Variants in ECHDC3 observed in about 807,000 individuals in gnomAD.
ECHDC3 encodes enoyl-CoA hydratase domain containing 3.
A neutral mutation model predicts 17.9 loss-of-function variants in ECHDC3; 20 were observed. That is an observed-to-expected ratio of 1.12 (90% CI 0.79 to 1.63). The LOEUF (loss-of-function observed/expected upper bound fraction) is 1.63. ECHDC3 is among the 40% of genes most tolerant of loss of function. The pLI, the probability that ECHDC3 is intolerant of heterozygous loss-of-function variation, is 0.00. For synonymous variants in ECHDC3, 177 were observed against 149.7 expected (o/e 1.18, Z -1.33); for missense variants, 407 against 357.7 (o/e 1.14, Z -1.11).
intron 4 of ECHDC3, among the ~76,000 whole-genome samples, chr10:11,756,359 A>C (rs1041289358): frequency 6.6e-6 from 1 of 152,244 alleles, no homozygotes; most frequent in Non-Finnish European, 1.5e-5. Flanking sequence ...GAAATCTATA[A>C]AAAAGGGGGC....
rs923854312 is a variant in ECHDC3, at chr10:11,748,227, T to C, written c.292+757T>C. Among the ~76,000 whole-genome samples the C allele has an allele frequency of 1.7e-4, 3 of 17,370 alleles. No individual in the cohort carries two copies. The Non-Finnish European group carries it at 0.011, about 64-fold the overall frequency. The allele number at this position is 17,370 out of a possible 152,430, so 11.4% of individuals were successfully genotyped here. On this transcript the variant is annotated intron_variant, in intron 2 of 4. Transcript: ENST00000379215. Reference sequence around the variant, plus strand: ...GATACAGCAAAGGCAGTTAACGTCTTCTTTTTTTTTTTTTATTTGATACAT... The same window carrying C: ...GATACAGCAAAGGCAGTTAACGTCTCCTTTTTTTTTTTTTATTTGATACAT...
chr10:11,746,231 G>C (rs942180018), intron 1 of ECHDC3, among the ~76,000 whole-genome samples: 2 of 151,748 alleles, frequency 1.3e-5, no homozygotes, highest in African/African-American at 4.9e-5. Flanking sequence ...GGGAGCCTGA[G>C]GCAAGAGAAT....
chr10:11,758,779 G>A (rs1832913183), intron 4 of ECHDC3, among the ~76,000 whole-genome samples: 1 of 152,258 alleles, frequency 6.6e-6, no homozygotes, highest in African/African-American at 2.4e-5. Context: ...CCCTGCTGGT[G>A]CCATGGTGCC....
At chr10:11,742,818 G>A in intron 1 of ECHDC3, 72 bp downstream of exon 1, 1 of 1,218,670 alleles carries the variant, frequency 8.2e-7, no homozygotes, top group Non-Finnish European at 1.0e-6. Flanking sequence ...TTGACCCGGG[G>A]AGGACCCGGG....
Position 11,763,200 on chromosome 10 carries a change from G to A in ECHDC3, c.592-24G>A, listed in dbSNP as rs751265105. ...GGGCGGGTCACAGGAGAGCACCTCA[G>A]TGACATCCCGTGTCTCCCCGTAGGT... is the stretch of plus-strand genomic sequence containing the variant. On this transcript the variant is annotated intron_variant, in intron 4 of 4. Coordinates refer to ENST00000379215, the MANE Select transcript of ECHDC3 (RefSeq NM_024693.5). This position sits in a 1 kb window ranked among gnomAD's most constrained non-coding sequence, Gnocchi z 4.9. The A allele has an allele frequency of 1.3e-6, 1 of 750,638 alleles. No homozygotes were observed. 46.5% of individuals were successfully genotyped at this position (750,638 alleles called of 1,614,324 possible).
chr10:11,754,862 C>T (rs1166774530), intron 3 of ECHDC3, among the ~76,000 whole-genome samples: 2 of 152,228 alleles, frequency 1.3e-5, no homozygotes, highest in African/African-American at 2.4e-5. Flanking sequence ...TACAATAGGG[C>T]TCTGTCCCCA....
chr10:11,749,707 G>A, intron 3 of ECHDC3, 115 bp downstream of exon 3: 1 of 733,380 alleles, frequency 1.4e-6, no homozygotes, highest in South Asian at 1.6e-5. Context: ...AACACCCAGA[G>A]CAACTGGAAA....
intron 4 of ECHDC3, among the ~76,000 whole-genome samples, chr10:11,757,021 C>T (rs7092756): frequency 0.4 from 60,815 of 152,152 alleles, 12,486 homozygotes; most frequent in Admixed American, 0.46. Context: ...AGGCGTGAGC[C>T]GCCGCACCTG....
At chr10:11,744,770 A>G (rs907927678) in intron 1 of ECHDC3, among the ~76,000 whole-genome samples, 6 of 152,172 alleles carry the variant, frequency 3.9e-5, no homozygotes, top group African/African-American at 1.4e-4. Context: ...TCATTCAGGC[A>G]ATTGAGTGGC....
At chr10:11,747,532 A>G in intron 2 of ECHDC3, 62 bp downstream of exon 2, 3 of 1,575,676 alleles carry the variant, frequency 1.9e-6, no homozygotes, top group Non-Finnish European at 2.6e-6. Context: ...CTGAGTCTTT[A>G]GTAAACTGGG....
Position 11,763,538 on chromosome 10 carries a change from A to C in ECHDC3, c.906A>C (p.Pro302=). ...QKRKPVWSHE[P]V ...GAAAACCTGTCTGGTCACACGAGCC[A>C]GTGTGAGTGGAGGCAGAGGAGTGAG... Residue 302 remains proline, a synonymous_variant, in exon 5 of 5, where the codon CCA becomes CCC. Coordinates refer to ENST00000379215, the MANE Select transcript of ECHDC3 (RefSeq NM_024693.5). The surrounding 1 kb of genome is among the most constrained non-coding windows in gnomAD (Gnocchi z 4.9). 7.4e-6 allele frequency: 11 copies of C among 1,477,072 alleles called. No homozygotes were observed. Among genetic ancestry groups the C allele is most frequent in the Non-Finnish European group, 1.0e-5 (11 of 1,090,696 alleles). 91.5% of individuals were successfully genotyped at this position (1,477,072 alleles called of 1,614,324 possible). A position where few individuals can be genotyped will look rare whatever the true frequency, so the allele number is the denominator to read the frequency against.
chr10:11,742,868 C>T, intron 1 of ECHDC3, 122 bp downstream of exon 1: 1 of 1,115,662 alleles, frequency 9.0e-7, no homozygotes, highest in Non-Finnish European at 1.1e-6. Flanking sequence ...AGGGAACTCC[C>T]CGTGTCCCGG....
chr10:11,754,813 C>A (rs1227806299), intron 3 of ECHDC3, among the ~76,000 whole-genome samples: 5 of 152,172 alleles, frequency 3.3e-5, no homozygotes, highest in African/African-American at 1.2e-4. Flanking sequence ...TTGGGGCCAC[C>A]CCCTGCGGCA....
At chr10:11,744,774 G>A (rs1036866367) in intron 1 of ECHDC3, among the ~76,000 whole-genome samples, 4 of 152,170 alleles carry the variant, frequency 2.6e-5, no homozygotes, top group African/African-American at 4.8e-5. Flanking sequence ...TCAGGCAATT[G>A]AGTGGCACTG....
intron 2 of ECHDC3, among the ~76,000 whole-genome samples, chr10:11,748,996 C>A (rs1380726976): frequency 1.3e-5 from 2 of 152,188 alleles, no homozygotes; most frequent in African/African-American, 4.8e-5. Context: ...ATCTTATGAT[C>A]CCTCATCTGT....
intron 3 of ECHDC3, among the ~76,000 whole-genome samples, chr10:11,752,514 C>G (rs1832838171): frequency 1.3e-5 from 2 of 151,890 alleles, no homozygotes; most frequent in Admixed American, 1.3e-4. Flanking sequence ...CATAATCATA[C>G]CACCCAGAGA....
chr10:11,751,121 T>C (rs1832818651), intron 3 of ECHDC3, among the ~76,000 whole-genome samples: 1 of 152,242 alleles, frequency 6.6e-6, no homozygotes, highest in Non-Finnish European at 1.5e-5. Context: ...TTTCTACCAA[T>C]ACCCAGTATG....
chr10:11,749,730 C>T (rs913752268), intron 3 of ECHDC3, 138 bp downstream of exon 3: 11 of 352,842 alleles, frequency 3.1e-5, no homozygotes, highest in Non-Finnish European at 5.1e-5. Flanking sequence ...GTTTGGTCAT[C>T]AGATCCTTTA....
chr10:11,757,383 GA>G (rs1388485904), intron 4 of ECHDC3, among the ~76,000 whole-genome samples: 1 of 152,186 alleles, frequency 6.6e-6, no homozygotes, highest in Non-Finnish European at 1.5e-5. Flanking sequence ...AGAAAAGGGG[GA>G]AAATATGACA....
Sources: gnomAD v4.1 joint callset for allele counts (sites outside exome capture counted in the v4.1 genomes callset) on GRCh38, gnomAD v4.1.1 for gene constraint, Gnocchi (gnomAD v3.1) non-coding constraint, MANE v1.5 for transcripts, NCBI Gene and HGNC (gene_info 2026-07-23, HGNC 2026-07-21) for gene names.